NTRK2: variants seen among roughly 807,000 people sequenced by gnomAD.
NTRK2 encodes BDNF/NT-3 growth factors receptor.
In NTRK2, 13 loss-of-function variants were observed where a neutral mutation model predicts 94.5. The ratio of observed to expected loss-of-function variants is 0.14; its 90% CI spans 0.09 to 0.22. The LOEUF (loss-of-function observed/expected upper bound fraction) is 0.22. NTRK2 is among the 10% of genes least tolerant of loss of function. NTRK2 has a pLI of 1.00. For missense variants in NTRK2, 639 were observed against 1,071.2 expected (o/e 0.60, Z 5.63); for synonymous variants, 372 against 407.4 (o/e 0.91, Z 1.05).
At position 84,724,218 on chromosome 9, in the gene NTRK2, T is replaced by C. The variant is rs747858276; in HGVS notation, c.721-6T>C. 6.8e-6 allele frequency: 11 copies of C among 1,614,150 alleles called. No homozygotes were observed. Among genetic ancestry groups the C allele is most frequent in the Non-Finnish European group, 9.3e-6 (11 of 1,179,996 alleles). ...AGGTTATTTTTGTCTGTTAATTCAT[T>C]TGTAGAATGAAACAAGCCACACACA... On this transcript the variant is annotated splice_region_variant and splice_polypyrimidine_tract_variant and intron_variant, in intron 7 of 18. Coordinates refer to ENST00000277120, the MANE Select transcript of NTRK2 (RefSeq NM_006180.6).
At chr9:84,710,586 A>G in intron 5 of NTRK2, 51 bp from the exon 6 acceptor site, 1 of 1,593,890 alleles carries the variant, frequency 6.3e-7, no homozygotes, top group Non-Finnish European at 8.6e-7. Context: ...GCACTAATGT[A>G]GCTAAAATGG....
At chr9:84,759,903 A>G (rs140326861) in intron 12 of NTRK2, among the ~76,000 whole-genome samples, 1 of 152,200 alleles carries the variant, frequency 6.6e-6, no homozygotes, top group Non-Finnish European at 1.5e-5. Flanking sequence ...AAGAAGACAG[A>G]TAATAACTTG....
At position 84,870,339 on chromosome 9, in the gene NTRK2, A is replaced by G. The variant is rs1488525285; in HGVS notation, c.1633+2908A>G. On this transcript the variant is annotated intron_variant, in intron 14 of 18. Coordinates refer to ENST00000277120, the MANE Select transcript of NTRK2 (RefSeq NM_006180.6). ...ATGTGGGGTGTGTGTGTGTATATAT[A>G]TATATATATATATATATATATATAT... Among the ~76,000 whole-genome samples, 830 of 98,262 alleles carry G rather than the reference A, an allele frequency of 8.4e-3. 39 individuals carry two copies. The highest frequency in any genetic ancestry group is 0.019 in the African/African-American group (468 of 24,948). 64.5% of individuals were successfully genotyped at this position (98,262 alleles called of 152,430 possible).
chr9:84,810,758 G>C, intron 12 of NTRK2: 1 of 1,461,294 alleles, frequency 6.8e-7, no homozygotes, highest in African/African-American at 1.4e-5. Context: ...CATATACTGT[G>C]AGCTGTGATT....
chr9:84,977,810 C>T (rs1827081277), intron 17 of NTRK2, among the ~76,000 whole-genome samples: 1 of 152,188 alleles, frequency 6.6e-6, no homozygotes, highest in Admixed American at 6.5e-5. Context: ...GCCATTTTTC[C>T]AACTGCATGG....
intron 17 of NTRK2, among the ~76,000 whole-genome samples, chr9:84,998,558 A>G (rs1391949435): frequency 6.6e-6 from 1 of 152,204 alleles, no homozygotes; most frequent in African/African-American, 2.4e-5. Flanking sequence ...CTTTGCCTCC[A>G]CGGCCAAGGG....
intron 12 of NTRK2, among the ~76,000 whole-genome samples, chr9:84,851,999 T>C (rs2074798311): frequency 6.6e-6 from 1 of 152,200 alleles, no homozygotes; most frequent in Admixed American, 6.5e-5. Flanking sequence ...ACAAAGCTTA[T>C]GCAAGAAAGA....
At chr9:84,874,025 A>G in intron 14 of NTRK2, 1 of 1,064,156 alleles carries the variant, frequency 9.4e-7, no homozygotes, top group Non-Finnish European at 1.1e-6. Flanking sequence ...GTGATGTTCT[A>G]GAAGCATCCC....
At chr9:84,869,860 G>T in intron 14 of NTRK2, among the ~76,000 whole-genome samples, 1 of 151,894 alleles carries the variant, frequency 6.6e-6, no homozygotes, top group African/African-American at 2.4e-5. Flanking sequence ...TGCCTACATA[G>T]TTGTTTATTT....
rs57013553 is a variant in NTRK2, at chr9:85,023,591, T to TA, written c.*2161dup. ...CGTTTGTTCTCTTTGTTGATGATTT[T>TA]AAAAAAACCCTCTAGAATACACATA... On this transcript the variant is annotated 3_prime_UTR_variant, in exon 19 of 19. Transcript: ENST00000277120. The TA allele has an allele frequency of 4.9e-4, 109 of 224,630 alleles. No individual in the cohort carries two copies. In the East Asian group the frequency reaches 6.1e-3, roughly 13 times the overall value. 13.9% of individuals were successfully genotyped at this position (224,630 alleles called of 1,614,324 possible).
rs73482770 is a variant in NTRK2, at chr9:84,707,351, T to A, written c.360-493T>A. The stretch of plus-strand genomic sequence containing the variant: ...TAAACAATCTCAGTAGAGTTTTTTT[T>A]ATCAATAAAATGTCTTTCCTATAAA... On this transcript the variant is annotated intron_variant, in intron 4 of 18. Transcript: ENST00000277120. 7.6e-3 allele frequency among the ~76,000 whole-genome samples: 1,163 copies of A among 152,300 alleles called. 13 individuals are homozygous for A. Among genetic ancestry groups the A allele is most frequent in the African/African-American group, 0.027 (1,104 of 41,538 alleles).
intron 17 of NTRK2, among the ~76,000 whole-genome samples, chr9:84,991,179 T>G (rs1312021902): frequency 1.3e-5 from 2 of 152,224 alleles, no homozygotes; most frequent in East Asian, 3.9e-4. Flanking sequence ...AATATGATTT[T>G]CTAGCAGAGC....
chr9:84,885,566 C>T (rs1233655893), intron 14 of NTRK2, among the ~76,000 whole-genome samples: 1 of 151,758 alleles, frequency 6.6e-6, no homozygotes, highest in African/African-American at 2.4e-5. Context: ...ACATGGAAAA[C>T]CCTTAGACTG....
chr9:84,744,376 A>G (rs185963034), intron 10 of NTRK2, among the ~76,000 whole-genome samples: 48 of 152,224 alleles, frequency 3.2e-4, no homozygotes, highest in African/African-American at 1.1e-3. Flanking sequence ...CTCTTCAAAA[A>G]AGTTTACGTG....
At chr9:84,858,103 T>A (rs2075152640) in intron 12 of NTRK2, among the ~76,000 whole-genome samples, 1 of 152,138 alleles carries the variant, frequency 6.6e-6, no homozygotes, top group African/African-American at 2.4e-5. Context: ...AGTCACCAAG[T>A]TCTGCTACTG....
At chr9:84,898,716 T>C (rs1564445461) in intron 14 of NTRK2, among the ~76,000 whole-genome samples, 1 of 151,976 alleles carries the variant, frequency 6.6e-6, no homozygotes, top group Non-Finnish European at 1.5e-5. Flanking sequence ...TCGCTCTTTT[T>C]TTCTCTTTTT....
chr9:84,943,043 G>A (rs951856234), intron 15 of NTRK2, among the ~76,000 whole-genome samples: 15 of 152,140 alleles, frequency 9.9e-5, no homozygotes, highest in Admixed American at 2.0e-4. Context: ...GGTGGGAATT[G>A]GGCATAGTGA....
chr9:85,000,741 T>C (rs550046147), intron 17 of NTRK2, among the ~76,000 whole-genome samples: 3 of 152,358 alleles, frequency 2.0e-5, no homozygotes, highest in South Asian at 4.1e-4. Flanking sequence ...CAGGTTTCTG[T>C]GGACATAAGT....
intron 16 of NTRK2, among the ~76,000 whole-genome samples, chr9:84,948,955 G>C (rs2078688468): frequency 1.3e-5 from 2 of 152,206 alleles, no homozygotes; most frequent in Admixed American, 1.3e-4. Flanking sequence ...AGTTTGCTAT[G>C]TGGTGTTATT....
Sources: gnomAD v4.1 joint callset for allele counts (sites outside exome capture counted in the v4.1 genomes callset) on GRCh38, gnomAD v4.1.1 for gene constraint, MANE v1.5 for transcripts, NCBI Gene and HGNC (gene_info 2026-07-23, HGNC 2026-07-21) for gene names.